TIMM44: variants seen among roughly 807,000 people sequenced by gnomAD.
TIMM44 encodes the protein mitochondrial import inner membrane translocase subunit TIM44.
A neutral mutation model predicts 63.8 loss-of-function variants in TIMM44; 37 were observed. The ratio of observed to expected loss-of-function variants is 0.58; its 90% CI spans 0.45 to 0.76. TIMM44 has a LOEUF of 0.76. TIMM44 is among the 30% of genes least tolerant of loss of function. TIMM44 has a pLI of 0.00. For synonymous variants in TIMM44, 239 were observed against 245.1 expected (o/e 0.98, Z 0.23); for missense variants, 573 against 603.8 (o/e 0.95, Z 0.54).
chr19:7,940,542 C>A (rs1193792649), intron 2 of TIMM44, among the ~76,000 whole-genome samples: 1 of 152,062 alleles, frequency 6.6e-6, no homozygotes, highest in African/African-American at 2.4e-5. Context: ...AAGGAGGCAG[C>A]TGAGCTGAGG....
rs149688980 is a variant in TIMM44 at position 7,935,648 on chromosome 19, G to C, written c.313-503C>G. On this transcript the variant is annotated intron_variant, in intron 3 of 12. Coordinates refer to ENST00000270538, the MANE Select transcript of TIMM44 (RefSeq NM_006351.4). Reference sequence around the variant, plus strand: ...GGGTCTCAGCAGCGGTGAGCTCCTTGCTCAGAAGGCCGGCAGACTCGGGTC... The same window carrying C: ...GGGTCTCAGCAGCGGTGAGCTCCTTCCTCAGAAGGCCGGCAGACTCGGGTC... 5.2e-3 allele frequency among the ~76,000 whole-genome samples: 799 copies of C among 152,318 alleles called. 1 individual carries two copies. The highest frequency in any genetic ancestry group is 8.0e-3 in the Non-Finnish European group (541 of 68,022).
At chr19:7,940,225 C>T (rs1481106204) in intron 2 of TIMM44, among the ~76,000 whole-genome samples, 1 of 151,242 alleles carries the variant, frequency 6.6e-6, no homozygotes, top group African/African-American at 2.4e-5. Flanking sequence ...AGAGTGAGAC[C>T]CTATCTTAAA....
Position 7,938,259 on chromosome 19 carries a change from C to A in TIMM44, c.142-62G>T, listed in dbSNP as rs926157166. 13 of 1,363,080 alleles carry A rather than the reference C, an allele frequency of 9.5e-6. No individual in the cohort carries two copies. The African/African-American group carries it at 1.9e-4, about 20-fold the overall frequency. 84.4% of individuals were successfully genotyped at this position (1,363,080 alleles called of 1,614,324 possible). On this transcript the variant is annotated intron_variant, in intron 2 of 12. Transcript: ENST00000270538. ...ATAGTAGAACATAGAATGAAATGCC[C>A]CACAGAGGGACTCAGGGATTTTTTT...
Position 7,933,621 on chromosome 19 carries a change from G to A in TIMM44, c.684-51C>T. Reference sequence around the variant, plus strand: ...TGAGCGGCGGCGCCAGGGCCACCCTGTGCCCTCCTGCGGCTGCAGGCAGGG... The same window carrying A: ...TGAGCGGCGGCGCCAGGGCCACCCTATGCCCTCCTGCGGCTGCAGGCAGGG... On this transcript the variant is annotated intron_variant, in intron 6 of 12. Coordinates refer to ENST00000270538, the MANE Select transcript of TIMM44 (RefSeq NM_006351.4). The surrounding 1 kb of genome is among the most constrained non-coding windows in gnomAD (Gnocchi z 4.3). 1 of 1,520,528 alleles carries A rather than the reference G, an allele frequency of 6.6e-7. No homozygotes were observed. The highest frequency in any genetic ancestry group is 1.1e-5 in the South Asian group (1 of 89,222). 94.2% of individuals were successfully genotyped at this position (1,520,528 alleles called of 1,614,324 possible). A position where few individuals can be genotyped will look rare whatever the true frequency, so the allele number is the denominator to read the frequency against.
chr19:7,929,715 C>T (rs1350076625), intron 10 of TIMM44, among the ~76,000 whole-genome samples: 4 of 152,018 alleles, frequency 2.6e-5, no homozygotes, highest in Non-Finnish European at 4.4e-5. Context: ...GTGGGAGACC[C>T]ACACTGTCCC....
In TIMM44 at chr19:7,943,288, A is replaced by G. The variant is rs140359940; in HGVS notation, c.45+319T>C. Among the ~76,000 whole-genome samples the G allele has an allele frequency of 1.7e-4, 26 of 152,044 alleles. No individual in the cohort carries two copies. The East Asian group carries it at 5.1e-3, about 30-fold the overall frequency. On this transcript the variant is annotated intron_variant, in intron 1 of 12. Coordinates refer to ENST00000270538, the MANE Select transcript of TIMM44 (RefSeq NM_006351.4). This position sits in a 1 kb window ranked among gnomAD's most constrained non-coding sequence, Gnocchi z 4.3. ...TTCACGTTTTTTTGCCTTCCCCTCT[A>G]CTTTTTTCCACGGGACGCCGCCGCC... is the stretch of plus-strand genomic sequence containing the variant.
At chr19:7,941,869 A>C (rs1299225686) in intron 1 of TIMM44, among the ~76,000 whole-genome samples, 1 of 152,192 alleles carries the variant, frequency 6.6e-6, no homozygotes, top group Non-Finnish European at 1.5e-5. Context: ...TTCTCTTGCG[A>C]GCCCACCCCA....
intron 3 of TIMM44, 123 bp downstream of exon 3, chr19:7,937,904 G>C (rs1984199146): frequency 2.5e-6 from 3 of 1,223,796 alleles, no homozygotes; most frequent in African/African-American, 3.0e-5. Context: ...TGTAAGCCCA[G>C]CTACTCAGGA....
At chr19:7,937,408 A>G (rs1032268684) in intron 3 of TIMM44, among the ~76,000 whole-genome samples, 8 of 152,238 alleles carry the variant, frequency 5.3e-5, no homozygotes, top group Non-Finnish European at 1.2e-4. Context: ...GGGGCCTGTG[A>G]AGATGCGGGC....
intron 11 of TIMM44, 140 bp from the exon 12 acceptor site, chr19:7,927,907 C>T: frequency 9.1e-7 from 1 of 1,104,468 alleles, no homozygotes; most frequent in South Asian, 1.4e-5. Flanking sequence ...GTGGGCCTTG[C>T]CTCTCAGGCC....
chr19:7,933,901 C>T lies in TIMM44; in HGVS notation c.646G>A (p.Asp216Asn). 6.2e-7 allele frequency: 1 copy of T among 1,614,200 alleles called. No homozygotes were observed. Among genetic ancestry groups the T allele is most frequent in the Non-Finnish European group, 8.5e-7 (1 of 1,180,034 alleles). The part of the protein sequence containing the change: ...RLRKRTEFAG[D>N]KFKEEKVFEP... ...AACACTTTCTCCTCCTTGAACTTAT[C>T]TCCCGCAAACTCCGTTCTCTTCCGG... Residue 216 changes from aspartate (D) to asparagine (N), a missense_variant, in exon 6 of 13, where the codon GAT becomes AAT. By Grantham distance (23) the Asp-to-Asn change is conservative. Transcript: ENST00000270538. The surrounding 1 kb of genome is among the most constrained non-coding windows in gnomAD (Gnocchi z 4.3).
At position 7,938,124 on chromosome 19, in the gene TIMM44, G is replaced by A. The variant is rs376957567; in HGVS notation, c.215C>T (p.Ala72Val). Residue 72 changes from alanine to valine, a missense_variant, in exon 3 of 13, where the codon GCC (alanine) becomes GTC (valine). Physicochemically the swap from Ala to Val is moderately conservative, Grantham distance 64. Transcript: ENST00000270538. ...ACTTTCTTTCATTTCTTTGTTTTTGGCTAATTCTTGTTTGACATTATCTAG... is the reference window on the plus strand; with the variant it reads ...ACTTTCTTTCATTTCTTTGTTTTTGACTAATTCTTGTTTGACATTATCTAG... ...GLLDNVKQELAKNKEMKESIK... is the reference protein window; with the variant it reads ...GLLDNVKQELVKNKEMKESIK... 3.7e-6 allele frequency: 6 copies of A among 1,613,686 alleles called. No individual in the cohort carries two copies. Among genetic ancestry groups the A allele is most frequent in the Non-Finnish European group, 5.1e-6 (6 of 1,179,976 alleles).
At chr19:7,928,240 C>A in intron 10 of TIMM44, 74 bp from the exon 11 acceptor site, 2 of 1,315,886 alleles carry the variant, frequency 1.5e-6, no homozygotes, top group South Asian at 1.2e-5. Context: ...CTGCTGCCCA[C>A]ACACCCTGGC....
chr19:7,930,301 CTCT>C (rs1485804926), intron 10 of TIMM44, among the ~76,000 whole-genome samples: 1 of 136,206 alleles, frequency 7.3e-6, no homozygotes, highest in Admixed American at 7.6e-5. Flanking sequence ...CCATGCTTGG[CTCT>C]TTTTTTTTTT....
intron 3 of TIMM44, among the ~76,000 whole-genome samples, chr19:7,936,556 C>A (rs916667388): frequency 3.3e-5 from 5 of 152,218 alleles, no homozygotes; most frequent in Admixed American, 3.3e-4. Flanking sequence ...TGAGGCTCAG[C>A]TGCTCATTGG....
At chr19:7,931,084 T>C (rs1237733716) in intron 10 of TIMM44, 54 bp downstream of exon 10, 31 of 1,549,568 alleles carry the variant, frequency 2.0e-5, no homozygotes, top group East Asian at 6.8e-5. Flanking sequence ...AACTTCTCCA[T>C]GGTGATTTTT....
chr19:7,927,993 C>G (rs1197955039), intron 11 of TIMM44, 84 bp downstream of exon 11: 6 of 1,390,052 alleles, frequency 4.3e-6, no homozygotes, highest in Non-Finnish European at 6.0e-6. Context: ...CCCCCAGCCC[C>G]TGGCAAGGCC....
intron 1 of TIMM44, among the ~76,000 whole-genome samples, chr19:7,942,144 C>T (rs1984327950): frequency 1.3e-5 from 2 of 152,070 alleles, no homozygotes; most frequent in Non-Finnish European, 2.9e-5. Context: ...GTCAGGAGTT[C>T]GAGATCAGCC....
chr19:7,936,280 G>A (rs367699144), intron 3 of TIMM44, among the ~76,000 whole-genome samples: 13 of 152,010 alleles, frequency 8.6e-5, no homozygotes, highest in Admixed American at 2.0e-4. Context: ...ATGAAACCCC[G>A]TCTCCACTAA....
Sources: gnomAD v4.1 joint callset for allele counts (sites outside exome capture counted in the v4.1 genomes callset) on GRCh38, gnomAD v4.1.1 for gene constraint, Gnocchi (gnomAD v3.1) non-coding constraint, MANE v1.5 for transcripts, NCBI Gene and HGNC (gene_info 2026-07-23, HGNC 2026-07-21) for gene names.